Variants in WNK2 observed in about 807,000 individuals in gnomAD.
WNK2 encodes the protein serine/threonine-protein kinase WNK2.
WNK2 carries 67 observed loss-of-function variants against 192.1 expected under a neutral mutation model. The observed-to-expected ratio is 0.35, with a 90% CI of 0.29 to 0.43. WNK2 has a LOEUF of 0.43. Among genes scored for constraint, WNK2 ranks in the 20% least tolerant of loss-of-function variants. WNK2 has a pLI of 1.00. For synonymous variants in WNK2, 1,439 were observed against 1,393.9 expected, an observed-to-expected ratio of 1.03 and a Z score of -0.72; for missense variants, 2,698 against 3,089.7, an observed-to-expected ratio of 0.87 and a Z score of 3.01.
intron 2 of WNK2, among the ~76,000 whole-genome samples, chr9:93,187,816 C>T (rs1028987659): frequency 1.3e-5 from 2 of 151,450 alleles, no homozygotes; most frequent in East Asian, 1.9e-4. Context: ...GGCTGCTGGG[C>T]GTGTGGAACG....
chr9:93,190,532 C>T (rs981434468), intron 2 of WNK2, among the ~76,000 whole-genome samples: 1 of 152,260 alleles, frequency 6.6e-6, no homozygotes, highest in Non-Finnish European at 1.5e-5. Flanking sequence ...CCCCACATGC[C>T]ATTTGCCATT....
intron 19 of WNK2, among the ~76,000 whole-genome samples, chr9:93,278,023 A>G (rs553482604): frequency 1.3e-5 from 2 of 152,332 alleles, no homozygotes; most frequent in Non-Finnish European, 2.9e-5. Context: ...AAACAACTTA[A>G]AAAGCATTCA....
intron 26 of WNK2, among the ~76,000 whole-genome samples, chr9:93,304,037 G>T (rs182888264): frequency 1.3e-3 from 204 of 152,282 alleles, no homozygotes; most frequent in Non-Finnish European, 2.2e-3. Flanking sequence ...CTGTCCCGTG[G>T]GCTCCTGGGC....
At chr9:93,256,853 A>T in intron 10 of WNK2, 95 bp from the exon 11 acceptor site, 1 of 1,169,036 alleles carries the variant, frequency 8.6e-7, no homozygotes, top group Non-Finnish European at 1.2e-6. Context: ...TGTGCATGTG[A>T]GGGTGAGGGT....
At chr9:93,186,335 C>T (rs1337346103) in intron 2 of WNK2, among the ~76,000 whole-genome samples, 1 of 152,196 alleles carries the variant, frequency 6.6e-6, no homozygotes, top group East Asian at 1.9e-4. Flanking sequence ...AGGCTCTGGG[C>T]ATGCATTTTT....
At chr9:93,219,882 G>T (rs1836510857) in intron 2 of WNK2, among the ~76,000 whole-genome samples, 1 of 152,234 alleles carries the variant, frequency 6.6e-6, no homozygotes, top group Non-Finnish European at 1.5e-5. Flanking sequence ...ACTGGCCTTG[G>T]TGCCCTGCCC....
chr9:93,263,623 C>A lies in WNK2; in HGVS notation c.3468C>A (p.Ala1156=), dbSNP rs766880184. ...AGCTGAGTGACAGCTGTGAAGGCGC[C>A]TTTGGAGGGGGCAGGCTGGAGGGCA... ...GKELSDSCEG[A]FGGGRLEGRA... is the part of the protein sequence containing the mutation. Residue 1156 remains alanine, a synonymous_variant, in exon 15 of 30, where the codon GCC becomes GCA. Coordinates refer to ENST00000427277, the MANE Select transcript of WNK2 (RefSeq NM_006648.4). 2.0e-5 allele frequency: 32 copies of A among 1,609,628 alleles called. 1 individual carries two copies. The South Asian group carries it at 3.5e-4, about 18-fold the overall frequency.
rs750758726 is a variant in WNK2 at position 93,293,021 on chromosome 9, G to A, written c.5556G>A (p.Ser1852=). 3.1e-6 allele frequency: 5 copies of A among 1,600,032 alleles called. No individual in the cohort carries two copies. Among genetic ancestry groups the A allele is most frequent in the Non-Finnish European group, 3.4e-6 (4 of 1,174,050 alleles). The change falls in exon 23 of 30, where the codon TCG becomes TCA. Residue 1852 remains serine (S), a synonymous_variant. Coordinates refer to ENST00000427277, the MANE Select transcript of WNK2 (RefSeq NM_006648.4). The part of the protein sequence containing the change: ...AFLQRPSRAG[S]LGPETPSRVG... ...TGCAGAGGCCTTCTCGGGCCGGCTC[G>A]CTGGGCCCCGAGACACCCAGCAGGG...
intron 7 of WNK2, among the ~76,000 whole-genome samples, chr9:93,245,491 TGA>T (rs1428427371): frequency 2.6e-5 from 4 of 152,204 alleles, no homozygotes; most frequent in Non-Finnish European, 5.9e-5. Flanking sequence ...TGGAAGGGGC[TGA>T]GTTTGCATGT....
intron 7 of WNK2, 93 bp downstream of exon 7, chr9:93,240,069 T>C (rs1016358346): frequency 2.3e-6 from 3 of 1,332,738 alleles, no homozygotes; most frequent in South Asian, 1.4e-5. Context: ...GGGGGCTTGC[T>C]CCGGAGGGGA....
Position 93,253,018 on chromosome 9 carries a change from G to A in WNK2, c.1970G>A (p.Ser657Asn). The A allele has an allele frequency of 6.4e-7, 1 of 1,552,418 alleles. No homozygotes were observed. Among genetic ancestry groups the A allele is most frequent in the Non-Finnish European group, 8.7e-7 (1 of 1,150,492 alleles). ...CAGTGTGTGTGCAGCCCCCCTGTGA[G>A]CGAGGGGCCCGTCCTGCCGCAGAGC... ...PAQCVCSPPV[S>N]EGPVLPQSLP... The change falls in exon 9 of 30, where the codon AGC becomes AAC. Residue 657 changes from serine to asparagine, a missense_variant. This residue lies in a region of WNK2 where 893 missense variants were observed against 909.0 expected (regional missense o/e 0.98). Coordinates refer to ENST00000427277, the MANE Select transcript of WNK2 (RefSeq NM_006648.4).
At chr9:93,289,660 A>AGGGGCCGGAGCCCGGGCGC (rs1277514177) in intron 20 of WNK2, 40 bp downstream of exon 20, 4 of 1,395,974 alleles carry the variant, frequency 2.9e-6, no homozygotes, top group African/African-American at 1.5e-5. Flanking sequence ...GCCCTGGGTC[A>AGGGGCCGGAGCCCGGGCGC]GGGGCCGGAG....
At chr9:93,305,637 G>C (rs921664193) in intron 26 of WNK2, among the ~76,000 whole-genome samples, 1 of 152,228 alleles carries the variant, frequency 6.6e-6, no homozygotes, top group South Asian at 2.1e-4. Flanking sequence ...AACTCAGGCC[G>C]AGCTTGGGCC....
In WNK2 at chr9:93,289,969, T is replaced by G. The variant is rs1371418994; in HGVS notation, c.4867-9T>G. ...CACGGCTCTTCTCTTTTTGTGTTTC[T>G]TTCTCCAGGTGGAGAAGTCAGAACT... On this transcript the variant is annotated splice_polypyrimidine_tract_variant and intron_variant, in intron 20 of 29. Transcript: ENST00000427277. 1 of 1,561,214 alleles carries G rather than the reference T, an allele frequency of 6.4e-7. No homozygotes were observed. The highest frequency in any genetic ancestry group is 1.9e-5 in the Admixed American group (1 of 52,710).
intron 19 of WNK2, among the ~76,000 whole-genome samples, chr9:93,284,015 T>G (rs1848091834): frequency 1.3e-5 from 2 of 152,162 alleles, no homozygotes; most frequent in African/African-American, 4.8e-5. Flanking sequence ...GAGAAAGAAA[T>G]CAGGCACATA....
intron 14 of WNK2, 124 bp downstream of exon 14, chr9:93,262,843 G>C: frequency 9.0e-7 from 1 of 1,110,298 alleles, no homozygotes; most frequent in Non-Finnish European, 1.3e-6. Flanking sequence ...ATGCCATTAG[G>C]GGTTTTTCAA....
Position 93,293,016 on chromosome 9 carries a change from G to A in WNK2, c.5551G>A (p.Gly1851Ser), listed in dbSNP as rs757764931. The A allele has an allele frequency of 2.5e-5, 40 of 1,598,762 alleles. No homozygotes were observed. Among genetic ancestry groups the A allele is most frequent in the East Asian group, 1.3e-4 (6 of 44,710 alleles). The change falls in exon 23 of 30, where the codon GGC (glycine) becomes AGC (serine). Residue 1851 changes from glycine (G) to serine (S), a missense_variant. This residue lies in a region of WNK2 where 1,098 missense variants were observed against 1,101.0 expected (regional missense o/e 1.00). Transcript: ENST00000427277. ...TAFLQRPSRA[G>S]SLGPETPSRV... The stretch of plus-strand genomic sequence containing the variant: ...CTTCCTGCAGAGGCCTTCTCGGGCC[G>A]GCTCGCTGGGCCCCGAGACACCCAG...
rs1448135420 is a variant in WNK2 at position 93,259,191 on chromosome 9, G to C, written c.2643G>C (p.Pro881=). Reference sequence around the variant, plus strand: ...GCCGGACCATTGTGCCAAATGCACCGGCCACTATCCCCCTGCTGGCCGTAG... The same window carrying C: ...GCCGGACCATTGTGCCAAATGCACCCGCCACTATCCCCCTGCTGGCCGTAG... The part of the protein sequence containing the change: ...MPCRTIVPNA[P]ATIPLLAVAP... The change falls in exon 12 of 30, where the codon CCG becomes CCC. Residue 881 remains proline, a synonymous_variant. Coordinates refer to ENST00000427277, the MANE Select transcript of WNK2 (RefSeq NM_006648.4). The surrounding 1 kb of genome is among the most constrained non-coding windows in gnomAD (Gnocchi z 4.8). 2.5e-6 allele frequency: 4 copies of C among 1,611,840 alleles called. No homozygotes were observed. The highest frequency in any genetic ancestry group is 1.1e-5 in the South Asian group (1 of 91,040).
At chr9:93,311,839 C>T (rs1349864503) in intron 28 of WNK2, among the ~76,000 whole-genome samples, 6 of 152,024 alleles carry the variant, frequency 3.9e-5, no homozygotes, top group Non-Finnish European at 8.8e-5. Context: ...AGGCTGATCT[C>T]GAACTCCTGA....
Sources: allele counts gnomAD v4.1 joint callset (sites outside exome capture counted in the v4.1 genomes callset), GRCh38; gene constraint gnomAD v4.1.1; regional missense constraint gnomAD v4.1.1; non-coding constraint Gnocchi (gnomAD v3.1); transcripts MANE v1.5; gene names NCBI Gene and HGNC (gene_info 2026-07-23, HGNC 2026-07-21).